PCDH11X: variants seen among roughly 807,000 people sequenced by gnomAD.
PCDH11X encodes protocadherin-11 X-linked.
In PCDH11X, 18 loss-of-function variants were observed where a neutral mutation model predicts 53.3. The observed-to-expected ratio is 0.34, with a 90% CI of 0.23 to 0.50. The LOEUF (loss-of-function observed/expected upper bound fraction) is 0.50. Ranked by LOEUF, PCDH11X falls within the 20% of genes least tolerant of loss-of-function variation. PCDH11X has a pLI of 0.98. For synonymous variants in PCDH11X, 279 were observed against 393.3 expected (o/e 0.71, Z 3.44); for missense variants, 570 against 1,032.4 (o/e 0.55, Z 6.14).
chrX:92,159,931 A>G (rs1322766891), intron 6 of PCDH11X, among the ~76,000 whole-genome samples: 1 of 103,163 alleles, frequency 9.7e-6, no homozygotes, highest in Non-Finnish European at 2.0e-5. Flanking sequence ...CAAAAAAAAA[A>G]GATTTGGGGA....
At chrX:92,262,211 A>G (rs1453905925) in intron 7 of PCDH11X, among the ~76,000 whole-genome samples, 1 of 111,265 alleles carries the variant, frequency 9.0e-6, no homozygotes, top group Non-Finnish European at 1.9e-5. Flanking sequence ...CCCTTATTTC[A>G]GATTCAAGCC....
In PCDH11X at chrX:92,213,436, C is replaced by G. The variant is rs751354398; in HGVS notation, c.3114+11981C>G. Among the ~76,000 whole-genome samples the G allele has an allele frequency of 4.5e-5, 5 of 111,504 alleles. No homozygotes were observed. The East Asian group carries it at 1.4e-3, about 31-fold the overall frequency. On this transcript the variant is annotated intron_variant, in intron 7 of 10. Coordinates refer to ENST00000682573, the MANE Select transcript of PCDH11X (RefSeq NM_032968.5). ...AGGCTCAGAGAGGTTAAATAATGTG[C>G]CTAAAGTTGCACAGTTTGCAAGTGT...
chrX:92,191,521 G>C (rs1366178571), intron 6 of PCDH11X, among the ~76,000 whole-genome samples: 1 of 111,626 alleles, frequency 9.0e-6, no homozygotes, highest in Non-Finnish European at 1.9e-5. Flanking sequence ...TATTCTGCAG[G>C]TTCTTACAAA....
At chrX:92,456,133 G>A (rs913923940) in intron 9 of PCDH11X, among the ~76,000 whole-genome samples, 3 of 111,492 alleles carry the variant, frequency 2.7e-5, no homozygotes, top group Admixed American at 9.6e-5. Context: ...TGCTTCTTAG[G>A]GATCGGGGAT....
At chrX:92,270,453 C>A (rs922563877) in intron 8 of PCDH11X, among the ~76,000 whole-genome samples, 2 of 112,002 alleles carry the variant, frequency 1.8e-5, no homozygotes, top group Non-Finnish European at 3.8e-5. Context: ...AACATATCAG[C>A]CCTCCACTCA....
intron 6 of PCDH11X, among the ~76,000 whole-genome samples, chrX:92,043,691 A>G (rs1183764900): frequency 3.9e-5 from 4 of 103,056 alleles, no homozygotes; most frequent in South Asian, 9.2e-4. Context: ...AGAAATACTA[A>G]GTTGTCAATT....
At chrX:92,065,734 A>C (rs2063598553) in intron 6 of PCDH11X, among the ~76,000 whole-genome samples, 1 of 108,934 alleles carries the variant, frequency 9.2e-6, no homozygotes, top group African/African-American at 3.3e-5. Flanking sequence ...GAGTTGTTTG[A>C]GCTCCTTATA....
Position 91,798,027 on chromosome X carries a change from T to C in PCDH11X, c.-378-11439T>C, listed in dbSNP as rs1392283519. The C allele has an allele frequency of 2.7e-5, 3 of 110,154 alleles. No individual in the cohort carries two copies. In the East Asian group the frequency reaches 8.6e-4, roughly 31 times the overall value. 9.1% of individuals were successfully genotyped at this position (110,154 alleles called of 1,213,427 possible). A position where few individuals can be genotyped will look rare whatever the true frequency, so the allele number is the denominator to read the frequency against. ...TTGCCCAACTAGACTTTCATTCTAGTAGCTAAGCTTTATGCTTTTTTTCTT... is the reference window on the plus strand; with the variant it reads ...TTGCCCAACTAGACTTTCATTCTAGCAGCTAAGCTTTATGCTTTTTTTCTT... On this transcript the variant is annotated intron_variant, in intron 1 of 10. Coordinates refer to ENST00000682573, the MANE Select transcript of PCDH11X (RefSeq NM_032968.5).
chrX:92,132,010 G>C (rs1255451051), intron 6 of PCDH11X, among the ~76,000 whole-genome samples: 1 of 106,235 alleles, frequency 9.4e-6, no homozygotes, highest in Non-Finnish European at 1.9e-5. Context: ...AGTGGCTCAC[G>C]CCTATAATCC....
intron 6 of PCDH11X, among the ~76,000 whole-genome samples, chrX:92,129,320 G>A (rs1385316951): frequency 5.4e-5 from 6 of 110,838 alleles, no homozygotes; most frequent in Non-Finnish European, 9.4e-5. Context: ...GAACCTGGGA[G>A]GCAGAAGTTG....
chrX:92,209,640 G>A, intron 7 of PCDH11X, among the ~76,000 whole-genome samples: 1 of 111,384 alleles, frequency 9.0e-6, no homozygotes, highest in South Asian at 3.8e-4. Context: ...AACTTTCAGT[G>A]GATCTGCCAT....
intron 10 of PCDH11X, among the ~76,000 whole-genome samples, chrX:92,538,281 TA>T (rs2074701933): frequency 1.0e-5 from 1 of 100,402 alleles, no homozygotes; most frequent in South Asian, 5.1e-4. Context: ...TTTGTTTTTT[TA>T]AGGCAAGAGA....
chrX:92,008,246 T>C (rs1197664711), intron 6 of PCDH11X, among the ~76,000 whole-genome samples: 1 of 110,791 alleles, frequency 9.0e-6, no homozygotes, highest in African/African-American at 3.3e-5. Context: ...TCTTATGGCC[T>C]AGACAGCCTT....
Position 91,879,028 on chromosome X carries a change from C to A in PCDH11X, c.2788C>A (p.Pro930Thr). Residue 930 changes from proline (P) to threonine (T), a missense_variant, in exon 6 of 11, where the codon CCC (proline) becomes ACC (threonine). Coordinates refer to ENST00000682573, the MANE Select transcript of PCDH11X (RefSeq NM_032968.5). ...NWVTTPTTFKPDSPDLARHYK... is the reference protein window; with the variant it reads ...NWVTTPTTFKTDSPDLARHYK... ...GGTAACTACACCTACTACTTTCAAG[C>A]CCGACAGCCCTGATTTGGCCCGACA... 2 of 1,211,308 alleles carry A rather than the reference C, an allele frequency of 1.7e-6. No individual in the cohort carries two copies. Among genetic ancestry groups the A allele is most frequent in the Non-Finnish European group, 2.2e-6 (2 of 895,379 alleles).
chrX:92,231,433 A>G (rs1021807254), intron 7 of PCDH11X, among the ~76,000 whole-genome samples: 4 of 111,867 alleles, frequency 3.6e-5, no homozygotes, highest in African/African-American at 1.3e-4. Context: ...GCCATCTCTG[A>G]AAATTTTCAT....
intron 8 of PCDH11X, among the ~76,000 whole-genome samples, chrX:92,346,057 T>A (rs953570366): frequency 9.0e-6 from 1 of 110,946 alleles, no homozygotes; most frequent in Non-Finnish European, 1.9e-5. Flanking sequence ...CTTCTTTTTC[T>A]TTACTTAAGT....
chrX:92,370,219 C>G (rs1397358608), intron 8 of PCDH11X, among the ~76,000 whole-genome samples: 2 of 110,445 alleles, frequency 1.8e-5, no homozygotes, highest in Non-Finnish European at 3.8e-5. Context: ...TCAGAATTAT[C>G]AAGTTTTTTC....
intron 8 of PCDH11X, among the ~76,000 whole-genome samples, chrX:92,280,566 G>T (rs1354945630): frequency 9.3e-6 from 1 of 107,848 alleles, no homozygotes; most frequent in Admixed American, 1.0e-4. Context: ...ATAAATAATA[G>T]AATATATCTC....
chrX:92,334,861 A>G (rs1312018119), intron 8 of PCDH11X, among the ~76,000 whole-genome samples: 1 of 110,476 alleles, frequency 9.1e-6, no homozygotes, highest in African/African-American at 3.3e-5. Flanking sequence ...GGTAGTACAT[A>G]TAACATACAA....
Sources: allele counts gnomAD v4.1 joint callset (sites outside exome capture counted in the v4.1 genomes callset), GRCh38; gene constraint gnomAD v4.1.1; transcripts MANE v1.5; gene names NCBI Gene and HGNC (gene_info 2026-07-23, HGNC 2026-07-21).